The following CHODL variants were observed in gnomAD, a reference collection of about 807,000 sequenced individuals.
CHODL encodes the protein transmembrane protein MT75.
In CHODL, 29 loss-of-function variants were observed where a neutral mutation model predicts 34.5. The observed-to-expected ratio is 0.84, with a 90% CI of 0.63 to 1.15. The LOEUF (loss-of-function observed/expected upper bound fraction) is 1.15. CHODL is among the 50% of genes most tolerant of loss of function. CHODL has a pLI of 0.00. For missense variants in CHODL, 332 were observed against 332.5 expected, an observed-to-expected ratio of 1.00 and a Z score of 0.01; for synonymous variants, 125 against 116.1, an observed-to-expected ratio of 1.08 and a Z score of -0.49.
chr21:18,241,749 A>G (rs2074084414), upstream of CHODL, among the ~76,000 whole-genome samples: 3 of 152,244 alleles, frequency 2.0e-5, no homozygotes, highest in South Asian at 6.2e-4. Context: ...GATATTATAT[A>G]GATTCCATAG....
intron 1 of CHODL, among the ~76,000 whole-genome samples, chr21:18,000,572 C>A (rs2063895570): frequency 6.6e-6 from 1 of 152,124 alleles, no homozygotes; most frequent in African/African-American, 2.4e-5. Flanking sequence ...TTTCTTCCCC[C>A]ACCTATACTT....
chr21:18,022,032 A>G (rs927704406), intron 1 of CHODL, among the ~76,000 whole-genome samples: 22 of 152,298 alleles, frequency 1.4e-4, no homozygotes, highest in African/African-American at 5.1e-4. Context: ...CCAGGAAATT[A>G]GTGCTATTAT....
At chr21:18,220,159 G>T (rs997028442) in intron 2 of CHODL, among the ~76,000 whole-genome samples, 1 of 152,024 alleles carries the variant, frequency 6.6e-6, no homozygotes, top group Non-Finnish European at 1.5e-5. Flanking sequence ...GCATGCTTTT[G>T]GTTTCCACTT....
At chr21:17,994,860 A>G (rs1004490199) in intron 1 of CHODL, among the ~76,000 whole-genome samples, 1 of 152,152 alleles carries the variant, frequency 6.6e-6, no homozygotes, top group African/African-American at 2.4e-5. Flanking sequence ...ACATGTAGGT[A>G]TGCGAGGACC....
chr21:18,086,038 GTTCTTTT>G (rs2065002377), intron 2 of CHODL, among the ~76,000 whole-genome samples: 1 of 23,386 alleles, frequency 4.3e-5, no homozygotes, highest in African/African-American at 1.9e-4. Flanking sequence ...TGAAGACTTT[GTTCTTTT>G]TTTTTTTTTT....
At chr21:18,081,224 GT>G (rs921646728) in intron 2 of CHODL, among the ~76,000 whole-genome samples, 3 of 152,000 alleles carry the variant, frequency 2.0e-5, no homozygotes, top group African/African-American at 7.3e-5. Flanking sequence ...AAATCTAAGA[GT>G]TTTTTGGTGG....
At chr21:17,944,911 C>G (rs774109207) in intron 1 of CHODL, among the ~76,000 whole-genome samples, 1 of 152,214 alleles carries the variant, frequency 6.6e-6, no homozygotes. Context: ...GAAATCATGA[C>G]GCTTCAGAAA....
At chr21:18,176,966 T>C (rs1300114971) in intron 2 of CHODL, among the ~76,000 whole-genome samples, 1 of 151,874 alleles carries the variant, frequency 6.6e-6, no homozygotes, top group African/African-American at 2.4e-5. Context: ...TAAAACTTAA[T>C]TATAGGTTGT....
At chr21:17,926,481 C>CA (rs1345654076) in intron 1 of CHODL, among the ~76,000 whole-genome samples, 1 of 150,982 alleles carries the variant, frequency 6.6e-6, no homozygotes, top group African/African-American at 2.4e-5. Context: ...AATTAACTCA[C>CA]AGTTCCTCAT....
intron 2 of CHODL, among the ~76,000 whole-genome samples, chr21:18,144,311 G>C (rs73312485): frequency 0.018 from 2,785 of 152,126 alleles, 93 homozygotes; most frequent in African/African-American, 0.064. Context: ...TTAGCCTAAA[G>C]CACTGAAATA....
intron 2 of CHODL, among the ~76,000 whole-genome samples, chr21:18,168,702 T>G (rs1422035998): frequency 6.6e-6 from 1 of 152,172 alleles, no homozygotes; most frequent in African/African-American, 2.4e-5. Flanking sequence ...TTTGCAAATA[T>G]TTTTTTCCAT....
Position 17,919,562 on chromosome 21 carries a change from A to G in CHODL, c.-145+2162A>G, listed in dbSNP as rs889333639. On this transcript the variant is annotated intron_variant, in intron 1 of 6. Transcript: ENST00000400127. ...GACCCTAGGTCTGGCCCACGAAACC[A>G]TTTTTTCCTCCTAAATCTCCAAGCC... Among the ~76,000 whole-genome samples the G allele has an allele frequency of 5.3e-5, 8 of 151,932 alleles. No individual in the cohort carries two copies. The East Asian group carries it at 9.7e-4, about 18-fold the overall frequency.
chr21:18,050,936 T>TA (rs202104617), intron 2 of CHODL, among the ~76,000 whole-genome samples: 2,487 of 151,592 alleles, frequency 0.016, 39 homozygotes, highest in Non-Finnish European at 0.022. Context: ...CTTTTTTTTT[T>TA]TTATTATTAT....
intron 2 of CHODL, among the ~76,000 whole-genome samples, chr21:18,038,528 A>AT (rs937229950): frequency 3.3e-5 from 5 of 151,568 alleles, no homozygotes; most frequent in African/African-American, 1.2e-4. Context: ...CTGAATTTTT[A>AT]TTTTTTTGCT....
intron 2 of CHODL, chr21:18,134,354 A>G (rs762606140): frequency 3.9e-6 from 2 of 517,644 alleles, no homozygotes; most frequent in African/African-American, 3.9e-5. Flanking sequence ...TTTTTAGTCC[A>G]CTGAGTGAAA....
intron 2 of CHODL, among the ~76,000 whole-genome samples, chr21:18,079,470 CATAT>C (rs915257826): frequency 1.4e-5 from 2 of 147,190 alleles, no homozygotes; most frequent in East Asian, 3.9e-4. Context: ...ATATATATCA[CATAT>C]ATATACCATA....
At chr21:18,150,695 T>A (rs1372875761) in intron 2 of CHODL, among the ~76,000 whole-genome samples, 1 of 152,174 alleles carries the variant, frequency 6.6e-6, no homozygotes, top group East Asian at 1.9e-4. Context: ...GGCTCATAAC[T>A]GCCACACCCT....
At chr21:18,265,659 C>G (rs980738254) in intron 5 of CHODL, among the ~76,000 whole-genome samples, 3 of 152,052 alleles carry the variant, frequency 2.0e-5, no homozygotes, top group Non-Finnish European at 4.4e-5. Flanking sequence ...ACCCGTTCCC[C>G]CATAACCTAT....
At chr21:18,010,127 A>C (rs866473837) in intron 1 of CHODL, among the ~76,000 whole-genome samples, 47 of 137,054 alleles carry the variant, frequency 3.4e-4, no homozygotes, top group South Asian at 9.8e-4. Flanking sequence ...ACAAAAAAAA[A>C]AAAAAAAAAA....
Sources: gnomAD v4.1 joint callset for allele counts (sites outside exome capture counted in the v4.1 genomes callset) on GRCh38, gnomAD v4.1.1 for gene constraint, MANE v1.5 for transcripts, NCBI Gene and HGNC (gene_info 2026-07-23, HGNC 2026-07-21) for gene names.